ENPP2: variants seen among roughly 807,000 people sequenced by gnomAD.
ENPP2 encodes ectonucleotide pyrophosphatase/phosphodiesterase 2, also known as autotaxin.
In ENPP2, 51 loss-of-function variants were observed where a neutral mutation model predicts 120.2. That is an observed-to-expected ratio of 0.42 (90% CI 0.34 to 0.54). The LOEUF (loss-of-function observed/expected upper bound fraction) is 0.54. Among genes scored for constraint, ENPP2 ranks in the 20% least tolerant of loss-of-function variants. ENPP2 has a pLI of 0.04. For synonymous variants in ENPP2, 365 were observed against 366.4 expected, an observed-to-expected ratio of 1.00 and a Z score of 0.04; for missense variants, 920 against 1,066.5, an observed-to-expected ratio of 0.86 and a Z score of 1.91.
chr8:119,672,406 G>T (rs1216479566), intron 1 of ENPP2, among the ~76,000 whole-genome samples: 2 of 152,140 alleles, frequency 1.3e-5, no homozygotes, highest in South Asian at 4.1e-4. Context: ...GTGAGAAGCG[G>T]CTCTTGCTTC....
intron 1 of ENPP2, among the ~76,000 whole-genome samples, chr8:119,666,601 A>AG (rs1325354710): frequency 5.9e-5 from 9 of 151,962 alleles, no homozygotes; most frequent in Non-Finnish European, 1.2e-4. Context: ...ACCAACATGG[A>AG]GAAAACCCAT....
At chr8:119,610,490 AAGAGAGAGAGAG>A (rs60632673) in intron 8 of ENPP2, among the ~76,000 whole-genome samples, 14 of 148,050 alleles carry the variant, frequency 9.5e-5, no homozygotes, top group Admixed American at 2.0e-4. Flanking sequence ...AAGGTTATAA[AAGAGAGAGAGAG>A]AGAGAGAGAG....
intron 3 of ENPP2, among the ~76,000 whole-genome samples, 193 bp from the exon 4 acceptor site, chr8:119,621,712 A>G (rs747325177): frequency 6.6e-6 from 1 of 152,198 alleles, no homozygotes; most frequent in Non-Finnish European, 1.5e-5. Context: ...TAAGTTTTCA[A>G]ATCAGAGAAC....
chr8:119,626,628 C>T lies in ENPP2; in HGVS notation c.229G>A (p.Asp77Asn). 1 of 1,613,960 alleles carries T rather than the reference C, an allele frequency of 6.2e-7. No homozygotes were observed. The highest frequency in any genetic ancestry group is 2.2e-5 in the East Asian group (1 of 44,856). ...CTGGTATAGCTCTTACACAAGTTGT[C>T]ACAGCGACAATCAGGAGGTCCAGCC... ...QEAGPPDCRC[D>N]NLCKSYTSCC... Residue 77 changes from aspartate (D) to asparagine (N), a missense_variant, in exon 3 of 25, where the codon GAC (aspartate) becomes AAC (asparagine). Transcript: ENST00000075322.
At position 119,570,820 on chromosome 8, in the gene ENPP2, C is replaced by A. The variant is rs763158723; in HGVS notation, c.1802G>T (p.Arg601Leu). 1.1e-5 allele frequency: 18 copies of A among 1,566,496 alleles called. No homozygotes were observed. Among genetic ancestry groups the A allele is most frequent in the Non-Finnish European group, 1.3e-5 (15 of 1,161,206 alleles). ...TCTAGTCCGATAAAGCACTGCAGGTCGCCCATAGAGGAGGTGTCTCTCTAA... is the reference window on the plus strand; with the variant it reads ...TCTAGTCCGATAAAGCACTGCAGGTAGCCCATAGAGGAGGTGTCTCTCTAA... The part of the protein sequence containing the change: ...STEERHLLYG[R>L]PAVLYRTRYD... Residue 601 changes from arginine (R) to leucine (L), a missense_variant, in exon 20 of 25, where the codon CGA (arginine) becomes CTA (leucine). Physicochemically the swap from Arg to Leu is moderately radical, Grantham distance 102. Transcript: ENST00000075322.
At chr8:119,576,199 C>T (rs1383888541) in intron 19 of ENPP2, among the ~76,000 whole-genome samples, 1 of 152,154 alleles carries the variant, frequency 6.6e-6, no homozygotes, top group Non-Finnish European at 1.5e-5. Flanking sequence ...AGTACAATGG[C>T]GAGATCTCGA....
At position 119,562,988 on chromosome 8, in the gene ENPP2, C is replaced by T. The variant is rs779696830; in HGVS notation, c.2290G>A (p.Val764Ile). Residue 764 changes from valine to isoleucine, a missense_variant, in exon 24 of 25, where the codon GTT becomes ATT. Physicochemically the swap from Val to Ile is conservative, Grantham distance 29. Coordinates refer to ENST00000075322, the MANE Select transcript of ENPP2 (RefSeq NM_001040092.3). Reference sequence around the variant, plus strand: ...ATGATGCTGTAGTAGTGAGTTGGAACAGGAATGGAACTGCCTTCCACGTAC... The same window carrying T: ...ATGATGCTGTAGTAGTGAGTTGGAATAGGAATGGAACTGCCTTCCACGTAC... ...KQYVEGSSIP[V>I]PTHYYSIITS... 4.3e-6 allele frequency: 7 copies of T among 1,613,910 alleles called. No individual in the cohort carries two copies. In the Middle Eastern group the frequency reaches 5.0e-4, roughly 114 times the overall value.
At chr8:119,665,740 A>G (rs1400298861) in intron 1 of ENPP2, among the ~76,000 whole-genome samples, 2 of 152,240 alleles carry the variant, frequency 1.3e-5, no homozygotes, top group African/African-American at 4.8e-5. Context: ...TATATGTAAC[A>G]TAAAATAAAA....
intron 11 of ENPP2, among the ~76,000 whole-genome samples, chr8:119,599,001 A>G (rs1814096060): frequency 6.6e-6 from 1 of 152,210 alleles, no homozygotes; most frequent in African/African-American, 2.4e-5. Context: ...GGAACTGCTT[A>G]GGTGTTTTGT....
chr8:119,649,177 A>T (rs1817556544), intron 1 of ENPP2, among the ~76,000 whole-genome samples: 1 of 151,610 alleles, frequency 6.6e-6, no homozygotes, highest in South Asian at 2.1e-4. Context: ...GCGGATCACA[A>T]GGTCAGGAGA....
chr8:119,605,186 C>T (rs1006959907), intron 9 of ENPP2, among the ~76,000 whole-genome samples: 1 of 152,066 alleles, frequency 6.6e-6, no homozygotes. Flanking sequence ...ATCCTCCCAC[C>T]TCAGTCTCCC....
intron 2 of ENPP2, among the ~76,000 whole-genome samples, chr8:119,631,204 CTTTTTTTTTTTTTTTTTT>C (rs60092023): frequency 1.6e-5 from 1 of 61,746 alleles, no homozygotes; most frequent in Non-Finnish European, 2.8e-5. Flanking sequence ...ATGCTGCTAT[CTTTTTTTTTTTTTTTTTT>C]TTTTTTTTTT....
chr8:119,606,702 G>C (rs1814742908), intron 9 of ENPP2, among the ~76,000 whole-genome samples: 1 of 151,816 alleles, frequency 6.6e-6, no homozygotes, highest in Non-Finnish European at 1.5e-5. Flanking sequence ...CTTCAAATCT[G>C]AAAAAGCTAC....
intron 8 of ENPP2, among the ~76,000 whole-genome samples, chr8:119,608,944 C>A (rs1814909090): frequency 6.6e-6 from 1 of 152,118 alleles, no homozygotes; most frequent in Non-Finnish European, 1.5e-5. Flanking sequence ...GCAAGTGTCC[C>A]ACTGAACAGA....
chr8:119,568,707 C>T (rs919907186), intron 21 of ENPP2, among the ~76,000 whole-genome samples: 1 of 152,004 alleles, frequency 6.6e-6, no homozygotes, highest in African/African-American at 2.4e-5. Flanking sequence ...TTTAAGGGAT[C>T]CTCCCACCTC....
chr8:119,564,358 C>A (rs1322952766), intron 23 of ENPP2, among the ~76,000 whole-genome samples: 1 of 151,982 alleles, frequency 6.6e-6, no homozygotes, highest in African/African-American at 2.4e-5. Context: ...CCATTCCCAC[C>A]ACCAATGCCC....
chr8:119,630,108 T>C (rs992730876), intron 2 of ENPP2, among the ~76,000 whole-genome samples: 1 of 151,590 alleles, frequency 6.6e-6, no homozygotes, highest in African/African-American at 2.4e-5. Context: ...CTTCCCTATT[T>C]CTTTCTTTTT....
chr8:119,626,353 T>C (rs1816273686), intron 3 of ENPP2, among the ~76,000 whole-genome samples: 1 of 152,220 alleles, frequency 6.6e-6, no homozygotes, highest in South Asian at 2.1e-4. Context: ...TGACTGCAGC[T>C]GCAAAGAACC....
At chr8:119,629,155 G>A (rs1243975704) in intron 2 of ENPP2, among the ~76,000 whole-genome samples, 2 of 151,930 alleles carry the variant, frequency 1.3e-5, no homozygotes, top group Admixed American at 1.3e-4. Flanking sequence ...ATATGTATGT[G>A]TGGGTATGTG....
Sources: allele counts gnomAD v4.1 joint callset (sites outside exome capture counted in the v4.1 genomes callset), GRCh38; gene constraint gnomAD v4.1.1; transcripts MANE v1.5; gene names NCBI Gene and HGNC (gene_info 2026-07-23, HGNC 2026-07-21).